PRKAG2: variants seen among roughly 807,000 people sequenced by gnomAD.
PRKAG2 encodes the protein protein kinase AMP-activated non-catalytic subunit gamma 2, also known as 5'-AMP-activated protein kinase subunit gamma-2.
A neutral mutation model predicts 69.6 loss-of-function variants in PRKAG2; 26 were observed. That is an observed-to-expected ratio of 0.37 (90% confidence interval 0.27 to 0.52). PRKAG2 has a LOEUF of 0.52. Ranked by LOEUF, PRKAG2 falls within the 20% of genes least tolerant of loss-of-function variation. The pLI, the probability that PRKAG2 is intolerant of heterozygous loss-of-function variation, is 0.90. For missense variants in PRKAG2, 557 were observed against 740.0 expected, an observed-to-expected ratio of 0.75 and a Z score of 2.87; for synonymous variants, 293 against 285.0, an observed-to-expected ratio of 1.03 and a Z score of -0.28.
At chr7:151,585,069 A>C (rs1811321623) in intron 6 of PRKAG2, among the ~76,000 whole-genome samples, 1 of 152,154 alleles carries the variant, frequency 6.6e-6, no homozygotes, top group Non-Finnish European at 1.5e-5. Flanking sequence ...AGAGCCACAA[A>C]AGCTTCAGAG....
At position 151,814,498 on chromosome 7, in the gene PRKAG2, C is replaced by G; in HGVS notation, c.115-27957G>C. ...TTGTAAGCTGCTGGATGGCAGGATG[C>G]GAGTGACGGGGACGGGCGGCACTCC... is the stretch of plus-strand genomic sequence containing the variant. On this transcript the variant is annotated intron_variant, in intron 1 of 15. Coordinates refer to ENST00000287878, the MANE Select transcript of PRKAG2 (RefSeq NM_016203.4). This position sits in a 1 kb window ranked among gnomAD's most constrained non-coding sequence, Gnocchi z 4.8. 1 of 1,230,712 alleles carries G rather than the reference C, an allele frequency of 8.1e-7. No individual in the cohort carries two copies. Among genetic ancestry groups the G allele is most frequent in the East Asian group, 3.2e-5 (1 of 31,690 alleles). 76.2% of individuals were successfully genotyped at this position (1,230,712 alleles called of 1,614,324 possible).
intron 3 of PRKAG2, among the ~76,000 whole-genome samples, chr7:151,775,021 T>C (rs2076268697): frequency 6.6e-6 from 1 of 152,226 alleles, no homozygotes; most frequent in South Asian, 2.1e-4. Flanking sequence ...AGCCACATCC[T>C]CCTTAATGTC....
At chr7:151,758,234 C>T (rs2075217589) in intron 3 of PRKAG2, among the ~76,000 whole-genome samples, 1 of 152,190 alleles carries the variant, frequency 6.6e-6, no homozygotes, top group African/African-American at 2.4e-5. Context: ...CCTGCTGCCC[C>T]CATCAGACAA....
chr7:151,565,515 T>G, intron 12 of PRKAG2, 132 bp from the exon 13 acceptor site: 1 of 989,976 alleles, frequency 1.0e-6, no homozygotes, highest in Non-Finnish European at 1.5e-6. Context: ...AAATGAAAAC[T>G]TAGATATGAA....
rs1284242606 is a variant in PRKAG2, at chr7:151,671,849, T to TG, written c.684+3570dup. 3.3e-5 allele frequency among the ~76,000 whole-genome samples: 5 copies of TG among 152,208 alleles called. No homozygotes were observed. The South Asian group carries it at 6.2e-4, about 19-fold the overall frequency. ...GGCTTGCTTACCATCAGGTAACCAA[T>TG]GGGGACATTCTCTTCCATTCCTTGA... On this transcript the variant is annotated intron_variant, in intron 4 of 15. Coordinates refer to ENST00000287878, the MANE Select transcript of PRKAG2 (RefSeq NM_016203.4).
At chr7:151,832,698 C>G (rs561931690) in intron 1 of PRKAG2, among the ~76,000 whole-genome samples, 154 of 152,082 alleles carry the variant, frequency 1.0e-3, no homozygotes, top group South Asian at 1.9e-3. Context: ...TGAGGGGCCG[C>G]TCTCGGGTAC....
intron 1 of PRKAG2, among the ~76,000 whole-genome samples, chr7:151,849,234 T>C (rs1477677422): frequency 6.6e-6 from 1 of 152,244 alleles, no homozygotes; most frequent in African/African-American, 2.4e-5. Flanking sequence ...GGGCCTCCGA[T>C]GCACCGTGCT....
intron 3 of PRKAG2, among the ~76,000 whole-genome samples, chr7:151,747,766 T>G (rs188589408): frequency 2.0e-5 from 3 of 152,264 alleles, no homozygotes; most frequent in African/African-American, 7.2e-5. Context: ...TACCACTTGA[T>G]TGTTCACTCT....
intron 3 of PRKAG2, among the ~76,000 whole-genome samples, chr7:151,683,933 C>T (rs1340931830): frequency 2.0e-5 from 3 of 152,184 alleles, no homozygotes; most frequent in Admixed American, 1.3e-4. Flanking sequence ...AAACCCACTG[C>T]TTCAATGTTT....
chr7:151,657,159 T>C (rs571824792), intron 4 of PRKAG2, among the ~76,000 whole-genome samples: 8 of 151,748 alleles, frequency 5.3e-5, no homozygotes, highest in African/African-American at 1.7e-4. Flanking sequence ...GGGGGGTGGT[T>C]ATTCATCAGC....
Position 151,863,473 on chromosome 7 carries a change from T to C in PRKAG2, c.114+13034A>G, listed in dbSNP as rs4726104. ...TGAGGCCTTTGGTGTGAATGCTTCA[T>C]CGCCCTTCCCCTCTGCTCAGTCCAG... On this transcript the variant is annotated intron_variant, in intron 1 of 15. Transcript: ENST00000287878. Among the ~76,000 whole-genome samples, 76,002 of 151,896 alleles carry C rather than the reference T, an allele frequency of 0.5. 19,320 individuals are homozygous for C. The highest frequency in any genetic ancestry group is 0.61 in the South Asian group (2,946 of 4,820).
Position 151,833,321 on chromosome 7 carries a change from G to A in PRKAG2, c.114+43186C>T, listed in dbSNP as rs116408475. 6.4e-3 allele frequency among the ~76,000 whole-genome samples: 970 copies of A among 152,310 alleles called. 3 individuals carry two copies. Among genetic ancestry groups the A allele is most frequent in the Middle Eastern group, 0.031 (9 of 294 alleles). On this transcript the variant is annotated intron_variant, in intron 1 of 15. Coordinates refer to ENST00000287878, the MANE Select transcript of PRKAG2 (RefSeq NM_016203.4). ...GCAAAGGCCCTGAGGCAGGGCTCGG[G>A]AGTGTGCAGCGGGAAGGGTTCTCAT... is the stretch of plus-strand genomic sequence containing the variant.
Position 151,876,682 on chromosome 7 carries a change from C to T in PRKAG2, c.-62G>A. 6.6e-7 allele frequency: 1 copy of T among 1,511,292 alleles called. No homozygotes were observed. The highest frequency in any genetic ancestry group is 9.1e-7 in the Non-Finnish European group (1 of 1,102,430). 93.6% of individuals were successfully genotyped at this position (1,511,292 alleles called of 1,614,324 possible). On this transcript the variant is annotated 5_prime_UTR_variant, in exon 1 of 16. Transcript: ENST00000287878. ...GGGGTTCGGTCCCCTCCTTCCCTCC[C>T]CCGGCCGCTGCCTTCGGACTGGAGC...
chr7:151,733,759 T>G (rs567170849), intron 3 of PRKAG2, among the ~76,000 whole-genome samples: 39 of 151,922 alleles, frequency 2.6e-4, no homozygotes, highest in African/African-American at 8.7e-4. Context: ...TACAGTGATG[T>G]GATCAGAGAT....
chr7:151,843,798 C>T (rs542464555), intron 1 of PRKAG2, among the ~76,000 whole-genome samples: 2 of 152,332 alleles, frequency 1.3e-5, no homozygotes, highest in Admixed American at 1.3e-4. Flanking sequence ...TAGACCAAAA[C>T]CTACACTCTG....
At chr7:151,559,259 C>A in intron 15 of PRKAG2, 1 of 975,026 alleles carries the variant, frequency 1.0e-6, no homozygotes, top group Non-Finnish European at 1.2e-6. Context: ...CGTATTCCAT[C>A]GAATGAATGT....
In PRKAG2 at chr7:151,561,422, C is replaced by G. The variant is rs557258564; in HGVS notation, c.1585-805G>C. Among the ~76,000 whole-genome samples the G allele has an allele frequency of 1.1e-3, 160 of 152,272 alleles. 2 individuals are homozygous for G. Among genetic ancestry groups the G allele is most frequent in the South Asian group, 7.0e-3 (34 of 4,824 alleles). ...CGAAGAAACAAGGTCGCAGCTCTTA[C>G]AAGGGTTTTATTTTCTGCAGTGTCT... On this transcript the variant is annotated intron_variant, in intron 14 of 15. Transcript: ENST00000287878.
chr7:151,779,298 T>C (rs561376416), intron 3 of PRKAG2, among the ~76,000 whole-genome samples: 2 of 152,346 alleles, frequency 1.3e-5, no homozygotes, highest in South Asian at 4.1e-4. Context: ...AGCTGCAGCC[T>C]AGGCCCTGAG....
At chr7:151,795,842 ATC>A (rs1389048365) in intron 1 of PRKAG2, among the ~76,000 whole-genome samples, 12 of 93,610 alleles carry the variant, frequency 1.3e-4, no homozygotes, top group African/African-American at 2.9e-4. Flanking sequence ...TTTCAAACAA[ATC>A]TCATATATAT....
Sources: allele counts gnomAD v4.1 joint callset (sites outside exome capture counted in the v4.1 genomes callset), GRCh38; gene constraint gnomAD v4.1.1; non-coding constraint Gnocchi (gnomAD v3.1); transcripts MANE v1.5; gene names NCBI Gene and HGNC (gene_info 2026-07-23, HGNC 2026-07-21).